Variants in MAPK8IP3 observed in about 807,000 individuals in gnomAD.
MAPK8IP3 encodes C-Jun-amino-terminal kinase-interacting protein 3.
In MAPK8IP3, 49 loss-of-function variants were observed where a neutral mutation model predicts 157.8. The ratio of observed to expected loss-of-function variants is 0.31; its 90% confidence interval spans 0.25 to 0.39. The LOEUF (loss-of-function observed/expected upper bound fraction) is 0.39, where lower values mean the gene tolerates loss of function less well. MAPK8IP3 is among the 10% of genes least tolerant of loss of function. The pLI, the probability that MAPK8IP3 is intolerant of heterozygous loss-of-function variation, is 1.00. For missense variants in MAPK8IP3, 1,478 were observed against 1,889.4 expected, an observed-to-expected ratio of 0.78 and a Z score of 4.04; for synonymous variants, 897 against 777.7, an observed-to-expected ratio of 1.15 and a Z score of -2.55.
chr16:1,766,745 G>A lies in MAPK8IP3; in HGVS notation c.2962G>A (p.Ala988Thr), dbSNP rs747784355. The A allele has an allele frequency of 1.2e-6, 2 of 1,612,856 alleles. No homozygotes were observed. The highest frequency in any genetic ancestry group is 3.3e-5 in the Admixed American group (2 of 60,032). ...NGWLYVHSAV[A>T]NWKKCLHSIK... ...TAGGCTCTATGTGCACTCGGCTGTG[G>A]CCAACTGGAAGAAGTGCCTGCACTC... Residue 988 changes from alanine (A) to threonine (T), a missense_variant, in exon 24 of 32, where the codon GCC becomes ACC. By Grantham distance (58) the Ala-to-Thr change is moderately conservative (BLOSUM62 0). Transcript: ENST00000610761.
chr16:1,739,334 GTGTGACCATCCA>G (rs1489130016), intron 4 of MAPK8IP3, among the ~76,000 whole-genome samples: 1 of 142,230 alleles, frequency 7.0e-6, no homozygotes, highest in Non-Finnish European at 1.5e-5. Context: ...CCGTGTGAGA[GTGTGACCATCCA>G]TGTGAGCATC....
At chr16:1,722,257 A>G (rs567515541) in intron 1 of MAPK8IP3, among the ~76,000 whole-genome samples, 2 of 152,264 alleles carry the variant, frequency 1.3e-5, no homozygotes, top group South Asian at 2.1e-4. Flanking sequence ...TGTGATGCCC[A>G]TAACACAGAC....
chr16:1,763,104 G>A, intron 16 of MAPK8IP3, 98 bp downstream of exon 16: 1 of 1,507,224 alleles, frequency 6.6e-7, no homozygotes. Flanking sequence ...GGACTTTGAG[G>A]GCAGCCTCCA....
chr16:1,767,408 T>C (rs1195637240), intron 26 of MAPK8IP3, 111 bp downstream of exon 26: 7 of 1,517,236 alleles, frequency 4.6e-6, no homozygotes, highest in Admixed American at 1.8e-5. Context: ...CCATCTCCCC[T>C]GTACCACCTA....
chr16:1,731,463 C>T (rs1488249585), intron 4 of MAPK8IP3, among the ~76,000 whole-genome samples: 2 of 152,226 alleles, frequency 1.3e-5, no homozygotes, highest in African/African-American at 4.8e-5. Context: ...CCCTCCTCTT[C>T]ACCTCCTACC....
At chr16:1,730,044 C>CAAAAAAA (rs58933347) in intron 4 of MAPK8IP3, among the ~76,000 whole-genome samples, 2 of 46,976 alleles carry the variant, frequency 4.3e-5, no homozygotes, top group Non-Finnish European at 9.0e-5. Flanking sequence ...CTTGTCTCTA[C>CAAAAAAA]AAAAAAAAAA....
At position 1,725,944 on chromosome 16, in the gene MAPK8IP3, A is replaced by G. The variant is rs181920770; in HGVS notation, c.439+1267A>G. Among the ~76,000 whole-genome samples, 386 of 152,316 alleles carry G rather than the reference A, an allele frequency of 2.5e-3. 6 individuals are homozygous for G. The highest frequency in any genetic ancestry group is 3.3e-3 in the East Asian group (17 of 5,158). ...GATCTTCTGACCTCGTGATCCTCCC[A>G]AAGTGCTGGGATTACAGGCGCGAGC... On this transcript the variant is annotated intron_variant, in intron 2 of 31. Coordinates refer to ENST00000610761, the MANE Select transcript of MAPK8IP3 (RefSeq NM_001318852.2).
chr16:1,763,309 G>A (rs1390812226), intron 16 of MAPK8IP3, among the ~76,000 whole-genome samples: 1 of 152,238 alleles, frequency 6.6e-6, no homozygotes, highest in African/African-American at 2.4e-5. Flanking sequence ...CGTTTCAGGC[G>A]TCTGTCCAGC....
At position 1,710,213 on chromosome 16, in the gene MAPK8IP3, A is replaced by G. The variant is rs1455513868; in HGVS notation, c.318+3556A>G. ...AGCAATCCTCCCACCTCAGCCTCCC[A>G]ACATTTGACATTGAACTCCTGACCT... On this transcript the variant is annotated intron_variant, in intron 1 of 31. Coordinates refer to ENST00000610761, the MANE Select transcript of MAPK8IP3 (RefSeq NM_001318852.2). The surrounding 1 kb of genome is among the most constrained non-coding windows in gnomAD (Gnocchi z 4.1). Among the ~76,000 whole-genome samples, 1 of 151,874 alleles carries G rather than the reference A, an allele frequency of 6.6e-6. No homozygotes were observed. Among genetic ancestry groups the G allele is most frequent in the Non-Finnish European group, 1.5e-5 (1 of 67,964 alleles).
In MAPK8IP3 at chr16:1,766,400, A is replaced by G. The variant is rs754674528; in HGVS notation, c.2810A>G (p.Gln937Arg). Residue 937 changes from glutamine (Q) to arginine (R), a missense_variant, in exon 22 of 32, where the codon CAG becomes CGG. This residue lies in a region of MAPK8IP3 where 669 missense variants were observed against 759.8 expected (regional missense o/e 0.88). Coordinates refer to ENST00000610761, the MANE Select transcript of MAPK8IP3 (RefSeq NM_001318852.2). ...DPAPTPSSGP[Q>R]PGSENGPEPD... ...GCCCCGACCCCGTCCTCTGGCCCCCAGCCTGGCAGGTGAGCTCTTGGGCTG... is the reference window on the plus strand; with the variant it reads ...GCCCCGACCCCGTCCTCTGGCCCCCGGCCTGGCAGGTGAGCTCTTGGGCTG... The G allele has an allele frequency of 2.5e-6, 4 of 1,610,088 alleles. No homozygotes were observed. The African/African-American group carries it at 5.3e-5, about 21-fold the overall frequency.
In MAPK8IP3 at chr16:1,706,666, G is replaced by A. The variant is rs1232741076; in HGVS notation, c.318+9G>A. On this transcript the variant is annotated intron_variant, in intron 1 of 31. Transcript: ENST00000610761. The surrounding 1 kb of genome is among the most constrained non-coding windows in gnomAD (Gnocchi z 5.1). ...GCAGGCAGGCGGAGGAGGTGCGTGG[G>A]CCGCGGGACCCGCCCGCATCCCCGT... 1.3e-6 allele frequency: 2 copies of A among 1,529,086 alleles called. No homozygotes were observed. Among genetic ancestry groups the A allele is most frequent in the South Asian group, 2.4e-5 (2 of 83,410 alleles). The allele number at this position is 1,529,086 out of a possible 1,614,324, so 94.7% of individuals were successfully genotyped here.
intron 4 of MAPK8IP3, among the ~76,000 whole-genome samples, chr16:1,739,334 G>T (rs1265763354): frequency 1.4e-5 from 2 of 142,230 alleles, no homozygotes; most frequent in Admixed American, 7.1e-5. Context: ...CCGTGTGAGA[G>T]TGTGACCATC....
Position 1,767,455 on chromosome 16 carries a change from C to T in MAPK8IP3, c.3238-109C>T, listed in dbSNP as rs2042339800. On this transcript the variant is annotated intron_variant, in intron 26 of 31. Transcript: ENST00000610761. ...CGAACAGGCGCAAAGCAGGCGCTGG[C>T]TGGGAGGTCTGAGGGGACTGCAGGT... The T allele has an allele frequency of 2.0e-6, 3 of 1,504,148 alleles. No individual in the cohort carries two copies. The East Asian group carries it at 6.8e-5, about 34-fold the overall frequency. 93.2% of individuals were successfully genotyped at this position (1,504,148 alleles called of 1,614,324 possible).
intron 1 of MAPK8IP3, chr16:1,707,909 T>C (rs2037503624): frequency 6.6e-6 from 1 of 152,260 alleles, no homozygotes; most frequent in South Asian, 2.1e-4. Context: ...TTTGGCTTTT[T>C]CTGAAACCAA....
intron 4 of MAPK8IP3, among the ~76,000 whole-genome samples, chr16:1,736,913 A>AGT (rs1555448713): frequency 1.4e-4 from 5 of 35,630 alleles, no homozygotes; most frequent in Admixed American, 8.8e-4. Flanking sequence ...CGTCTGTGTG[A>AGT]GTGACCATCC....
rs745378894 is a variant in MAPK8IP3, at chr16:1,710,004, A to C, written c.318+3347A>C. Among the ~76,000 whole-genome samples, 12 of 152,176 alleles carry C rather than the reference A, an allele frequency of 7.9e-5. No homozygotes were observed. The highest frequency in any genetic ancestry group is 1.0e-4 in the Non-Finnish European group (7 of 68,022). ...TGCTGATCATTCGGCATTTGATGCT[A>C]TGTAAGGAAAGGATGCAAGGGAAGA... On this transcript the variant is annotated intron_variant, in intron 1 of 31. Coordinates refer to ENST00000610761, the MANE Select transcript of MAPK8IP3 (RefSeq NM_001318852.2). This position sits in a 1 kb window ranked among gnomAD's most constrained non-coding sequence, Gnocchi z 4.1.
chr16:1,727,495 G>A (rs62040024), intron 2 of MAPK8IP3, among the ~76,000 whole-genome samples: 32 of 152,358 alleles, frequency 2.1e-4, no homozygotes, highest in African/African-American at 3.4e-4. Context: ...CAGGTGCAGC[G>A]TCTGTAAGTT....
rs1365300280 is a variant in MAPK8IP3, at chr16:1,748,701, C to T, written c.1197C>T (p.Asp399=). 2.5e-6 allele frequency: 4 copies of T among 1,614,142 alleles called. No individual in the cohort carries two copies. Among genetic ancestry groups the T allele is most frequent in the South Asian group, 1.1e-5 (1 of 91,088 alleles). The change falls in exon 8 of 32, where the codon GAC becomes GAT. Residue 399 remains aspartate, a synonymous_variant. Coordinates refer to ENST00000610761, the MANE Select transcript of MAPK8IP3 (RefSeq NM_001318852.2). ...GGTCTGAGGTCATCGGGGATGTGGA[C>T]GAAGGGGCCGACCTCCTAGGTAAGC... ...TAGSEVIGDV[D]EGADLLGEFS...
intron 1 of MAPK8IP3, among the ~76,000 whole-genome samples, chr16:1,722,840 T>C (rs1471963934): frequency 1.3e-5 from 2 of 151,904 alleles, no homozygotes; most frequent in Non-Finnish European, 2.9e-5. Flanking sequence ...TAGCTGGGAC[T>C]ACAGGCGCCT....
Sources: gnomAD v4.1 joint callset for allele counts (sites outside exome capture counted in the v4.1 genomes callset) on GRCh38, gnomAD v4.1.1 for gene constraint, gnomAD v4.1.1 regional missense constraint, Gnocchi (gnomAD v3.1) non-coding constraint, MANE v1.5 for transcripts, NCBI Gene and HGNC (gene_info 2026-07-23, HGNC 2026-07-21) for gene names.